The following FBXL7 variants were observed in gnomAD, a reference collection of about 807,000 sequenced individuals.
FBXL7 encodes F-box and leucine rich repeat protein 7, also known as F-box/LRR-repeat protein 7.
FBXL7 carries 12 observed loss-of-function variants against 38.3 expected under a neutral mutation model. The observed-to-expected ratio is 0.31, with a 90% CI of 0.20 to 0.51. The LOEUF (loss-of-function observed/expected upper bound fraction) is 0.51. FBXL7 is among the 20% of genes least tolerant of loss of function. The pLI, the probability that FBXL7 is intolerant of heterozygous loss-of-function variation, is 0.98. For synonymous variants in FBXL7, 297 were observed against 300.9 expected (o/e 0.99, Z 0.13); for missense variants, 567 against 676.4 (o/e 0.84, Z 1.79).
At chr5:15,580,554 A>G in intron 1 of FBXL7, 3 of 894,392 alleles carry the variant, frequency 3.4e-6, no homozygotes, top group Non-Finnish European at 4.0e-6. Flanking sequence ...CAAACCAAGA[A>G]GCCACTCTCT....
intron 1 of FBXL7, among the ~76,000 whole-genome samples, chr5:15,611,251 C>T (rs1740223494): frequency 1.3e-5 from 2 of 151,978 alleles, no homozygotes; most frequent in African/African-American, 2.4e-5. Context: ...TGACACTCTG[C>T]CTTCCTGTCT....
At chr5:15,681,935 T>G (rs944598833) in intron 2 of FBXL7, among the ~76,000 whole-genome samples, 1 of 152,184 alleles carries the variant, frequency 6.6e-6, no homozygotes, top group African/African-American at 2.4e-5. Context: ...ACATCTCTAG[T>G]TTGTTTCATT....
intron 1 of FBXL7, among the ~76,000 whole-genome samples, chr5:15,531,049 T>C (rs547420136): frequency 6.6e-6 from 1 of 152,138 alleles, no homozygotes; most frequent in Non-Finnish European, 1.5e-5. Context: ...ACATACACAT[T>C]GGAAAAGAAT....
At chr5:15,577,062 G>T (rs1027860645) in intron 1 of FBXL7, among the ~76,000 whole-genome samples, 3 of 152,176 alleles carry the variant, frequency 2.0e-5, no homozygotes, top group Admixed American at 2.0e-4. Flanking sequence ...AGATTCCAGT[G>T]TCCTGAGATT....
chr5:15,706,155 G>A (rs1312541153), intron 2 of FBXL7, among the ~76,000 whole-genome samples: 8 of 152,312 alleles, frequency 5.3e-5, no homozygotes, highest in South Asian at 2.1e-4. Flanking sequence ...TAAATCTTAC[G>A]TTGAATAGTA....
At chr5:15,884,808 C>T (rs558937052) in intron 2 of FBXL7, among the ~76,000 whole-genome samples, 4 of 152,130 alleles carry the variant, frequency 2.6e-5, no homozygotes, top group Middle Eastern at 3.4e-3. Flanking sequence ...AAGGGCAAAG[C>T]GGTGGGATAA....
In FBXL7 at chr5:15,775,392, C is replaced by T. The variant is rs1031223398; in HGVS notation, c.128-152498C>T. 2.0e-5 allele frequency among the ~76,000 whole-genome samples: 3 copies of T among 152,152 alleles called. No homozygotes were observed. The East Asian group carries it at 5.8e-4, about 29-fold the overall frequency. On this transcript the variant is annotated intron_variant, in intron 2 of 3. Transcript: ENST00000504595. The stretch of plus-strand genomic sequence containing the variant: ...ACTCCTACCCCACCATATACACACA[C>T]ACACACACACAAATACCATCACCAC...
In FBXL7 at chr5:15,512,439, A is replaced by G. The variant is rs1225873424; in HGVS notation, c.37+11726A>G. Among the ~76,000 whole-genome samples, 9 of 152,206 alleles carry G rather than the reference A, an allele frequency of 5.9e-5. No individual in the cohort carries two copies. In the East Asian group the frequency reaches 1.3e-3, roughly 23 times the overall value. The stretch of plus-strand genomic sequence containing the variant: ...TAGGTCTTCAATATAGTTTTGTTAA[A>G]TGAATAAATAAGGATGGATCTATAG... On this transcript the variant is annotated intron_variant, in intron 1 of 3. Coordinates refer to ENST00000504595, the MANE Select transcript of FBXL7 (RefSeq NM_012304.5).
chr5:15,644,125 A>G (rs1436045934), intron 2 of FBXL7, among the ~76,000 whole-genome samples: 1 of 152,034 alleles, frequency 6.6e-6, no homozygotes, highest in Non-Finnish European at 1.5e-5. Context: ...AAATAGTCAT[A>G]TTATTTGTCC....
chr5:15,514,047 T>G (rs1392219863), intron 1 of FBXL7, among the ~76,000 whole-genome samples: 2 of 152,162 alleles, frequency 1.3e-5, no homozygotes, highest in East Asian at 3.9e-4. Flanking sequence ...AAAAAACCAA[T>G]TCCCTCCCCT....
chr5:15,742,954 CAT>C (rs1270478558), intron 2 of FBXL7, among the ~76,000 whole-genome samples: 1 of 152,176 alleles, frequency 6.6e-6, no homozygotes, highest in Admixed American at 6.5e-5. Flanking sequence ...CATCAGATCT[CAT>C]GAGAACACAC....
intron 1 of FBXL7, among the ~76,000 whole-genome samples, chr5:15,518,106 T>G (rs1272299402): frequency 2.0e-5 from 3 of 152,168 alleles, no homozygotes; most frequent in Non-Finnish European, 4.4e-5. Flanking sequence ...TTCTCCTGTC[T>G]CAGCCTCCTG....
intron 2 of FBXL7, among the ~76,000 whole-genome samples, chr5:15,884,249 C>CTTCT (rs58115981): frequency 0.054 from 8,078 of 150,566 alleles, 494 homozygotes; most frequent in African/African-American, 0.15. Flanking sequence ...ATCAGGGAAT[C>CTTCT]TTCTTTCTTT....
At chr5:15,620,230 C>G (rs7379221) in intron 2 of FBXL7, among the ~76,000 whole-genome samples, 6 of 134,142 alleles carry the variant, frequency 4.5e-5, no homozygotes, top group Admixed American at 2.3e-4. Context: ...TTCTTTTTTT[C>G]TTTTTTTTTT....
intron 2 of FBXL7, among the ~76,000 whole-genome samples, chr5:15,832,462 C>T (rs1199883773): frequency 1.3e-5 from 2 of 152,136 alleles, no homozygotes; most frequent in African/African-American, 2.4e-5. Flanking sequence ...AGGTAACAGA[C>T]TGTGGAATAA....
At chr5:15,703,041 C>T (rs1298939088) in intron 2 of FBXL7, among the ~76,000 whole-genome samples, 1 of 152,218 alleles carries the variant, frequency 6.6e-6, no homozygotes, top group Non-Finnish European at 1.5e-5. Context: ...AGGCCATTTT[C>T]GTTTCTTTTG....
chr5:15,795,228 A>C (rs1271541323), intron 2 of FBXL7, among the ~76,000 whole-genome samples: 4 of 152,212 alleles, frequency 2.6e-5, no homozygotes, highest in Non-Finnish European at 5.9e-5. Flanking sequence ...GAGAGAATAG[A>C]AGACCTCTGA....
chr5:15,927,791 GAAGA>G (rs1741920329), intron 2 of FBXL7, 95 bp from the exon 3 acceptor site: 1 of 507,204 alleles, frequency 2.0e-6, no homozygotes. Context: ...AAAAAAAGAA[GAAGA>G]AAGAAAAGAA....
chr5:15,680,243 A>C lies in FBXL7; in HGVS notation c.127+64171A>C, dbSNP rs551189386. 2.6e-5 allele frequency among the ~76,000 whole-genome samples: 4 copies of C among 152,326 alleles called. No individual in the cohort carries two copies. In the South Asian group the frequency reaches 8.3e-4, roughly 32 times the overall value. On this transcript the variant is annotated intron_variant, in intron 2 of 3. Coordinates refer to ENST00000504595, the MANE Select transcript of FBXL7 (RefSeq NM_012304.5). ...TTTTCAGAAAATTATTCTAAGTATC[A>C]TTTGTTAGAAAAATAAACCTCACTG...
Sources: gnomAD v4.1 joint callset for allele counts (sites outside exome capture counted in the v4.1 genomes callset) on GRCh38, gnomAD v4.1.1 for gene constraint, MANE v1.5 for transcripts, NCBI Gene and HGNC (gene_info 2026-07-23, HGNC 2026-07-21) for gene names.